Variants in PLXNA2 observed in about 807,000 individuals in gnomAD.
PLXNA2 encodes plexin A2.
PLXNA2 carries 91 observed loss-of-function variants against 193.5 expected under a neutral mutation model. That is an observed-to-expected ratio of 0.47 (90% CI 0.40 to 0.56). The LOEUF (loss-of-function observed/expected upper bound fraction) is 0.56. Ranked by LOEUF, PLXNA2 falls within the 20% of genes least tolerant of loss-of-function variation. The pLI, the probability that PLXNA2 is intolerant of heterozygous loss-of-function variation, is 0.00. For synonymous variants in PLXNA2, 997 were observed against 1,027.3 expected (o/e 0.97, Z 0.56); for missense variants, 1,995 against 2,503.2 (o/e 0.80, Z 4.33).
At chr1:208,150,420 G>A (rs1462517321) in intron 3 of PLXNA2, among the ~76,000 whole-genome samples, 4 of 152,184 alleles carry the variant, frequency 2.6e-5, no homozygotes, top group African/African-American at 9.7e-5. Flanking sequence ...AGGCCATGGA[G>A]ATCTTTCTCC....
chr1:208,064,484 T>C (rs1412718431), intron 12 of PLXNA2, among the ~76,000 whole-genome samples: 1 of 152,220 alleles, frequency 6.6e-6, no homozygotes, highest in African/African-American at 2.4e-5. Context: ...GCCCTATCGG[T>C]GGTTCCTTTC....
rs542397938 is a variant in PLXNA2, at chr1:208,035,726, A to G, written c.4765-1134T>C. Among the ~76,000 whole-genome samples, 241 of 152,296 alleles carry G rather than the reference A, an allele frequency of 1.6e-3. 1 individual carries two copies. Among genetic ancestry groups the G allele is most frequent in the African/African-American group, 5.6e-3 (234 of 41,550 alleles). ...TATTTTAACAATTTTTATGAACTTT[A>G]TAAGTTTGATTTATAGCTGCACCAG... On this transcript the variant is annotated intron_variant, in intron 26 of 31. Coordinates refer to ENST00000367033, the MANE Select transcript of PLXNA2 (RefSeq NM_025179.4).
At chr1:208,081,495 G>A (rs1226445812) in intron 11 of PLXNA2, among the ~76,000 whole-genome samples, 2 of 152,162 alleles carry the variant, frequency 1.3e-5, no homozygotes, top group African/African-American at 2.4e-5. Context: ...CAGGGGGGAA[G>A]GAGTTTAAAT....
intron 1 of PLXNA2, among the ~76,000 whole-genome samples, chr1:208,237,843 G>A (rs79358318): frequency 0.064 from 9,794 of 152,244 alleles, 416 homozygotes; most frequent in Middle Eastern, 0.17. Flanking sequence ...CACTCCCTGA[G>A]TGTACTGTAA....
At chr1:208,172,502 A>G (rs1432147563) in intron 3 of PLXNA2, among the ~76,000 whole-genome samples, 1 of 152,150 alleles carries the variant, frequency 6.6e-6, no homozygotes, top group African/African-American at 2.4e-5. Context: ...TCCGCAGATG[A>G]CACCTGGGGG....
chr1:208,079,993 T>C (rs1265896191), intron 11 of PLXNA2, among the ~76,000 whole-genome samples: 1 of 152,126 alleles, frequency 6.6e-6, no homozygotes, highest in Non-Finnish European at 1.5e-5. Flanking sequence ...GAAGGAAAAA[T>C]GAGGCTCAGG....
Position 208,122,941 on chromosome 1 carries a change from T to C in PLXNA2, c.1506+19388A>G, listed in dbSNP as rs188144958. 3.3e-5 allele frequency among the ~76,000 whole-genome samples: 5 copies of C among 152,234 alleles called. No individual in the cohort carries two copies. In the East Asian group the frequency reaches 9.6e-4, roughly 29 times the overall value. Reference sequence around the variant, plus strand: ...ATGAGATAATTCACACACCAAAAAATTCACCAAACTAGATTGCGCAATTCA... The same window carrying C: ...ATGAGATAATTCACACACCAAAAAACTCACCAAACTAGATTGCGCAATTCA... On this transcript the variant is annotated intron_variant, in intron 4 of 31. Coordinates refer to ENST00000367033, the MANE Select transcript of PLXNA2 (RefSeq NM_025179.4).
chr1:208,044,985 C>G lies in PLXNA2; in HGVS notation c.3639+82G>C. Reference sequence around the variant, plus strand: ...GGAGGGGGTGAGTCAGGCAACGAGACAGAAGAGAGCCTTTCCTTAGGACAG... The same window carrying G: ...GGAGGGGGTGAGTCAGGCAACGAGAGAGAAGAGAGCCTTTCCTTAGGACAG... On this transcript the variant is annotated intron_variant, in intron 19 of 31. Coordinates refer to ENST00000367033, the MANE Select transcript of PLXNA2 (RefSeq NM_025179.4). This position sits in a 1 kb window ranked among gnomAD's most constrained non-coding sequence, Gnocchi z 4.9. 1.3e-6 allele frequency: 2 copies of G among 1,536,904 alleles called. No individual in the cohort carries two copies. The highest frequency in any genetic ancestry group is 1.8e-6 in the Non-Finnish European group (2 of 1,115,976).
chr1:208,180,841 A>G (rs1292434451), intron 3 of PLXNA2, among the ~76,000 whole-genome samples: 1 of 152,228 alleles, frequency 6.6e-6, no homozygotes, highest in East Asian at 1.9e-4. Flanking sequence ...AGGAGGGGTA[A>G]AAAGGACTGT....
chr1:208,083,671 A>AC (rs1009288600), intron 10 of PLXNA2, among the ~76,000 whole-genome samples: 4 of 150,572 alleles, frequency 2.7e-5, no homozygotes, highest in African/African-American at 7.4e-5. Context: ...TCTCCAGCTG[A>AC]CCCCCCACAG....
intron 11 of PLXNA2, among the ~76,000 whole-genome samples, chr1:208,080,253 G>A (rs977595048): frequency 1.3e-5 from 2 of 152,112 alleles, no homozygotes; most frequent in African/African-American, 2.4e-5. Flanking sequence ...CTTATGAATG[G>A]AGAATATGTC....
chr1:208,119,362 G>A (rs367714036), intron 4 of PLXNA2, among the ~76,000 whole-genome samples: 11 of 152,302 alleles, frequency 7.2e-5, no homozygotes, highest in East Asian at 5.8e-4. Context: ...AAAGGTGTCC[G>A]GATGCTCTGT....
chr1:208,142,065 C>T (rs1668472408), intron 4 of PLXNA2, among the ~76,000 whole-genome samples: 1 of 152,252 alleles, frequency 6.6e-6, no homozygotes, highest in Non-Finnish European at 1.5e-5. Context: ...CTGCTCCACG[C>T]AGTCTGGCCT....
chr1:208,103,528 G>A lies in PLXNA2; in HGVS notation c.1507-281C>T, dbSNP rs1224981863. On this transcript the variant is annotated intron_variant, in intron 4 of 31. Coordinates refer to ENST00000367033, the MANE Select transcript of PLXNA2 (RefSeq NM_025179.4). ...TTCTGCCCTCCACTAGCATCCTCCCGAGAGCTGGGCAAGCCAGTGGCAAGT... is the reference window on the plus strand; with the variant it reads ...TTCTGCCCTCCACTAGCATCCTCCCAAGAGCTGGGCAAGCCAGTGGCAAGT... 3.9e-5 allele frequency among the ~76,000 whole-genome samples: 6 copies of A among 152,180 alleles called. No individual in the cohort carries two copies. The East Asian group carries it at 5.8e-4, about 15-fold the overall frequency.
intron 3 of PLXNA2, among the ~76,000 whole-genome samples, chr1:208,155,500 T>A (rs111638139): frequency 2.9e-4 from 44 of 152,314 alleles, no homozygotes; most frequent in African/African-American, 1.1e-3. Flanking sequence ...TTTTTTTCTC[T>A]TAAAAGAGTG....
At chr1:208,034,640 T>C (rs1664616466) in intron 26 of PLXNA2, 48 bp from the exon 27 acceptor site, 4 of 1,199,904 alleles carry the variant, frequency 3.3e-6, no homozygotes, top group South Asian at 1.2e-5. Context: ...TGTAGGTGTC[T>C]TGGGAAGTTG....
chr1:208,039,042 G>A, intron 24 of PLXNA2, 58 bp from the exon 25 acceptor site: 1 of 1,518,360 alleles, frequency 6.6e-7, no homozygotes, highest in Non-Finnish European at 9.0e-7. Flanking sequence ...GTTTGAGGGA[G>A]AGGGTCAGGA....
intron 29 of PLXNA2, chr1:208,029,705 C>A: frequency 1.0e-6 from 1 of 986,296 alleles, no homozygotes; most frequent in Non-Finnish European, 1.2e-6. Context: ...ATTTTCCCAC[C>A]CCAAGAGGAA....
intron 4 of PLXNA2, among the ~76,000 whole-genome samples, chr1:208,126,859 G>A (rs1667988251): frequency 6.6e-6 from 1 of 152,142 alleles, no homozygotes; most frequent in South Asian, 2.1e-4. Flanking sequence ...TACCTCAGAA[G>A]CACTCCTGAA....
Sources: allele counts gnomAD v4.1 joint callset (sites outside exome capture counted in the v4.1 genomes callset), GRCh38; gene constraint gnomAD v4.1.1; non-coding constraint Gnocchi (gnomAD v3.1); transcripts MANE v1.5; gene names NCBI Gene and HGNC (gene_info 2026-07-23, HGNC 2026-07-21).